Variants in TMTC2 observed in about 807,000 individuals in gnomAD.
TMTC2 encodes the protein protein O-mannosyl-transferase TMTC2.
A neutral mutation model predicts 82.4 loss-of-function variants in TMTC2; 43 were observed. That is an observed-to-expected ratio of 0.52 (90% CI 0.41 to 0.67). The LOEUF (loss-of-function observed/expected upper bound fraction) is 0.67. Among genes scored for constraint, TMTC2 ranks in the 30% least tolerant of loss-of-function variants. The pLI is 0.00. For synonymous variants in TMTC2, 408 were observed against 381.9 expected, an observed-to-expected ratio of 1.07 and a Z score of -0.80; for missense variants, 919 against 1,012.4, an observed-to-expected ratio of 0.91 and a Z score of 1.25.
At chr12:82,924,789 G>C (rs1875606416) in intron 3 of TMTC2, among the ~76,000 whole-genome samples, 1 of 152,184 alleles carries the variant, frequency 6.6e-6, no homozygotes, top group African/African-American at 2.4e-5. Flanking sequence ...TTCGCTTGCA[G>C]TGAGTACCTT....
intron 3 of TMTC2, among the ~76,000 whole-genome samples, chr12:82,907,542 C>T (rs1393403437): frequency 1.3e-5 from 2 of 151,434 alleles, no homozygotes; most frequent in African/African-American, 2.4e-5. Flanking sequence ...ATTTCAAGTA[C>T]AGTTTTGTGG....
intron 1 of TMTC2, among the ~76,000 whole-genome samples, chr12:82,786,597 AG>A (rs1878186466): frequency 6.6e-6 from 1 of 152,158 alleles, no homozygotes; most frequent in Non-Finnish European, 1.5e-5. Flanking sequence ...ATTATTTTGA[AG>A]TAACACTGAT....
intron 8 of TMTC2, 134 bp from the exon 9 acceptor site, chr12:83,030,664 A>AT: frequency 1.6e-6 from 1 of 624,930 alleles, no homozygotes; most frequent in East Asian, 2.8e-5. Context: ...CCTCACATAG[A>AT]TAAAAACAAA....
intron 11 of TMTC2, among the ~76,000 whole-genome samples, chr12:83,120,071 A>G (rs1884898635): frequency 6.6e-6 from 1 of 152,150 alleles, no homozygotes; most frequent in African/African-American, 2.4e-5. Context: ...TTGGCTGGTG[A>G]ATTCTTAAAC....
intron 10 of TMTC2, among the ~76,000 whole-genome samples, chr12:83,059,238 A>G (rs1310749761): frequency 6.6e-6 from 1 of 151,816 alleles, no homozygotes; most frequent in East Asian, 1.9e-4. Context: ...AATATTGATT[A>G]ATGATTCAAT....
At chr12:82,770,216 C>T (rs894577974) in intron 1 of TMTC2, among the ~76,000 whole-genome samples, 1 of 151,854 alleles carries the variant, frequency 6.6e-6, no homozygotes, top group Non-Finnish European at 1.5e-5. Flanking sequence ...ATTTAGTATC[C>T]CATTTAATAT....
intron 10 of TMTC2, 92 bp from the exon 11 acceptor site, chr12:83,061,676 T>G (rs1882746352): frequency 1.7e-6 from 2 of 1,178,486 alleles, no homozygotes; most frequent in Non-Finnish European, 2.3e-6. Context: ...GACCAGAATT[T>G]TTTTAAAAAT....
chr12:82,740,867 G>A (rs1373904201), intron 1 of TMTC2, among the ~76,000 whole-genome samples: 4 of 152,134 alleles, frequency 2.6e-5, no homozygotes, highest in African/African-American at 7.2e-5. Flanking sequence ...CATGCTGCCC[G>A]AGCAATCTGG....
intron 1 of TMTC2, among the ~76,000 whole-genome samples, chr12:82,751,301 A>G (rs1328550536): frequency 6.6e-6 from 1 of 151,570 alleles, no homozygotes; most frequent in Non-Finnish European, 1.5e-5. Context: ...AAAACCAAAC[A>G]CCGCATATTC....
chr12:82,985,165 C>A (rs1015268077), intron 7 of TMTC2, among the ~76,000 whole-genome samples: 3 of 152,124 alleles, frequency 2.0e-5, no homozygotes, highest in African/African-American at 7.2e-5. Flanking sequence ...CTCAGGTGAT[C>A]CTCCTGCCTC....
chr12:82,977,537 T>C (rs140023281), intron 7 of TMTC2, among the ~76,000 whole-genome samples: 278 of 151,920 alleles, frequency 1.8e-3, no homozygotes, highest in African/African-American at 6.0e-3. Context: ...AGTAAATCTT[T>C]GGGAAAGAAT....
At chr12:83,085,146 A>G (rs897849603) in intron 11 of TMTC2, among the ~76,000 whole-genome samples, 27 of 151,982 alleles carry the variant, frequency 1.8e-4, no homozygotes, top group African/African-American at 6.0e-4. Context: ...TGCAATTTCT[A>G]TTTGCTGTTT....
At chr12:83,132,062 A>G in intron 11 of TMTC2, 148 bp from the exon 12 acceptor site, 2 of 863,094 alleles carry the variant, frequency 2.3e-6, no homozygotes, top group Non-Finnish European at 3.4e-6. Context: ...AGTTATCTTT[A>G]TCTGTTTGTA....
chr12:82,793,797 G>A (rs1878575684), intron 1 of TMTC2, among the ~76,000 whole-genome samples: 1 of 152,094 alleles, frequency 6.6e-6, no homozygotes, highest in African/African-American at 2.4e-5. Context: ...TTATTACACT[G>A]TCTTCTTCCC....
chr12:82,794,816 GTAGT>G lies in TMTC2; in HGVS notation c.84-62187_84-62184del, dbSNP rs147918237. Among the ~76,000 whole-genome samples, 1,055 of 152,262 alleles carry G rather than the reference GTAGT, an allele frequency of 6.9e-3. 18 individuals carry two copies. The highest frequency in any genetic ancestry group is 0.024 in the African/African-American group (983 of 41,566). On this transcript the variant is annotated intron_variant, in intron 1 of 11. Coordinates refer to ENST00000321196, the MANE Select transcript of TMTC2 (RefSeq NM_152588.3). The stretch of plus-strand genomic sequence containing the variant: ...CAGTTTTGCCATTTGCAGAGAAGAA[GTAGT>G]TAGTTATCATGGGATCCTTGTGGAT...
At chr12:82,710,021 T>C (rs186789005) in intron 1 of TMTC2, among the ~76,000 whole-genome samples, 152 of 152,258 alleles carry the variant, frequency 1.0e-3, no homozygotes, top group Non-Finnish European at 1.8e-3. Context: ...TATGGTGATA[T>C]GTGAAAGTGT....
At chr12:83,042,884 G>C (rs1881946891) in intron 9 of TMTC2, among the ~76,000 whole-genome samples, 2 of 152,136 alleles carry the variant, frequency 1.3e-5, no homozygotes. Context: ...TGTTCACTTA[G>C]GAACAAATCC....
intron 8 of TMTC2, among the ~76,000 whole-genome samples, chr12:83,002,706 G>A (rs1461314974): frequency 6.6e-6 from 1 of 151,518 alleles, no homozygotes; most frequent in East Asian, 1.9e-4. Flanking sequence ...TAATTGATTG[G>A]TTTTGAGTGA....
chr12:82,994,264 G>T (rs1440567098), intron 8 of TMTC2, among the ~76,000 whole-genome samples: 1 of 152,026 alleles, frequency 6.6e-6, no homozygotes, highest in African/African-American at 2.4e-5. Flanking sequence ...AGCAATTCTC[G>T]TGCCTCAGCC....
Sources: allele counts gnomAD v4.1 joint callset (sites outside exome capture counted in the v4.1 genomes callset), GRCh38; gene constraint gnomAD v4.1.1; transcripts MANE v1.5; gene names NCBI Gene and HGNC (gene_info 2026-07-23, HGNC 2026-07-21).